The following ZNF16 variants were observed in gnomAD, a reference collection of about 807,000 sequenced individuals.
ZNF16 encodes zinc finger protein 16.
ZNF16 carries 7 observed loss-of-function variants against 9.0 expected under a neutral mutation model. The observed-to-expected ratio is 0.78, with a 90% CI of 0.44 to 1.47. The LOEUF (loss-of-function observed/expected upper bound fraction) is 1.47. Among genes scored for constraint, ZNF16 ranks in the 40% most tolerant of loss-of-function variants. The pLI, the probability that ZNF16 is intolerant of heterozygous loss-of-function variation, is 0.01. For missense variants in ZNF16, 830 were observed against 854.2 expected (o/e 0.97, Z 0.35); for synonymous variants, 312 against 301.5 (o/e 1.03, Z -0.36).
chr8:144,945,985 C>T, intron 2 of ZNF16, 26 bp downstream of exon 2: 1 of 1,611,626 alleles, frequency 6.2e-7, no homozygotes, highest in South Asian at 1.1e-5. Flanking sequence ...AATAAGGGCA[C>T]CAGCGGAGAA....
intron 2 of ZNF16, among the ~76,000 whole-genome samples, chr8:144,941,947 G>T (rs557358664): frequency 1.8e-4 from 25 of 139,276 alleles, no homozygotes; most frequent in Admixed American, 1.5e-3. Flanking sequence ...GTGAGCCACC[G>T]CGCCTGGCCT....
intron 2 of ZNF16, among the ~76,000 whole-genome samples, chr8:144,941,832 G>T (rs1300629868): frequency 1.3e-5 from 2 of 148,978 alleles, no homozygotes; most frequent in African/African-American, 5.0e-5. Context: ...CTAATTTTTT[G>T]TATTTTTAGT....
At chr8:144,941,010 G>C (rs1833784751) in intron 2 of ZNF16, among the ~76,000 whole-genome samples, 2 of 152,116 alleles carry the variant, frequency 1.3e-5, no homozygotes, top group African/African-American at 4.8e-5. Flanking sequence ...CTGCAGATTA[G>C]ATTTCAAGAT....
Position 144,932,349 on chromosome 8 carries a change from G to A in ZNF16, c.438C>T (p.Gly146=). 1 of 1,614,096 alleles carries A rather than the reference G, an allele frequency of 6.2e-7. No individual in the cohort carries two copies. The highest frequency in any genetic ancestry group is 8.5e-7 in the Non-Finnish European group (1 of 1,179,992). Residue 146 remains glycine, a synonymous_variant, in exon 3 of 3, where the codon GGC becomes GGT. Transcript: ENST00000394909. This position sits in a 1 kb window ranked among gnomAD's most constrained non-coding sequence, Gnocchi z 5.0. ...FTPAAMGLLR[G]PLGEKDLDCN... is the part of the protein sequence containing the mutation. The stretch of plus-strand genomic sequence containing the variant: ...AGTCCAGATCTTTCTCCCCTAAGGG[G>A]CCCCTAAGGAGCCCCATGGCAGCTG...
At chr8:144,949,234 A>T (rs1834032229) in intron 1 of ZNF16, among the ~76,000 whole-genome samples, 1 of 152,224 alleles carries the variant, frequency 6.6e-6, no homozygotes, top group Admixed American at 6.5e-5. Flanking sequence ...GAACTGGCCC[A>T]AACTCTCCTC....
chr8:144,937,155 T>TTC (rs1225924415), intron 2 of ZNF16, among the ~76,000 whole-genome samples: 3 of 144,474 alleles, frequency 2.1e-5, no homozygotes, highest in East Asian at 2.0e-4. Flanking sequence ...TTTTTTTTTT[T>TTC]TTTTTTTTTG....
At chr8:144,945,026 C>T (rs1312427241) in intron 2 of ZNF16, 2 of 152,070 alleles carry the variant, frequency 1.3e-5, no homozygotes, top group Non-Finnish European at 2.9e-5. Flanking sequence ...AGACAGAGTT[C>T]TTGAGAAAGC....
At chr8:144,942,665 GT>G (rs1158961371) in intron 2 of ZNF16, among the ~76,000 whole-genome samples, 1 of 152,138 alleles carries the variant, frequency 6.6e-6, no homozygotes, top group Non-Finnish European at 1.5e-5. Context: ...ACTGATACCA[GT>G]TTAGTCTCAG....
At chr8:144,934,234 T>C (rs958047896) in intron 2 of ZNF16, among the ~76,000 whole-genome samples, 1 of 152,196 alleles carries the variant, frequency 6.6e-6, no homozygotes, top group Non-Finnish European at 1.5e-5. Flanking sequence ...CACTTCATGT[T>C]GGGTCACTGG....
Position 144,932,434 on chromosome 8 carries a change from C to T in ZNF16, c.353G>A (p.Trp118Ter), listed in dbSNP as rs772139178. Residue 118 changes from tryptophan to a stop codon, truncating the protein, a stop_gained, in exon 3 of 3, where the codon TGG (tryptophan) becomes TAG (stop). Coordinates refer to ENST00000394909, the MANE Select transcript of ZNF16 (RefSeq NM_006958.3). LOFTEE classifies it low-confidence loss of function (END_TRUNC). This position sits in a 1 kb window ranked among gnomAD's most constrained non-coding sequence, Gnocchi z 5.0. ...DLCDDVSERDWGVPEGRRLPQ... is the reference protein window; with the variant it reads ...DLCDDVSERD Reference sequence around the variant, plus strand: ...CAGCCTCCTGCCTTCGGGGACTCCCCAGTCTCTTTCTGATACATCATCACA... The same window carrying T: ...CAGCCTCCTGCCTTCGGGGACTCCCTAGTCTCTTTCTGATACATCATCACA... The T allele has an allele frequency of 6.2e-7, 1 of 1,614,218 alleles. No homozygotes were observed. The highest frequency in any genetic ancestry group is 8.5e-7 in the Non-Finnish European group (1 of 1,180,044).
chr8:144,938,472 C>T (rs780559877), intron 2 of ZNF16, among the ~76,000 whole-genome samples: 11 of 152,188 alleles, frequency 7.2e-5, no homozygotes, highest in Non-Finnish European at 1.3e-4. Context: ...AGTCTTAAAT[C>T]TCCTTGGTCA....
chr8:144,946,525 C>CCTGCTGTGGGGCCTGTGTA (rs1026411005), intron 1 of ZNF16, among the ~76,000 whole-genome samples: 3 of 133,932 alleles, frequency 2.2e-5, no homozygotes, highest in Non-Finnish European at 3.2e-5. Flanking sequence ...GGGTCTGTGT[C>CCTGCTGTGGGGCCTGTGTA]CTGCTGTGGG....
In ZNF16 at chr8:144,931,852, T is replaced by C. The variant is rs766823541; in HGVS notation, c.935A>G (p.Gln312Arg). The C allele has an allele frequency of 8.3e-5, 134 of 1,614,122 alleles. No individual in the cohort carries two copies. Among genetic ancestry groups the C allele is most frequent in the Non-Finnish European group, 1.1e-4 (130 of 1,180,046 alleles). ...GGGCTTCTCACTCATGTGAGACTTTTGGTGCTTTTTAAGGCTCGAGTTCTG... is the reference window on the plus strand; with the variant it reads ...GGGCTTCTCACTCATGTGAGACTTTCGGTGCTTTTTAAGGCTCGAGTTCTG... ...FSQNSSLKKH[Q>R]KSHMSEKPYE... The change falls in exon 3 of 3, where the codon CAA becomes CGA. Residue 312 changes from glutamine (Q) to arginine (R), a missense_variant. By Grantham distance (43) the Gln-to-Arg change is conservative (BLOSUM62 1). Coordinates refer to ENST00000394909, the MANE Select transcript of ZNF16 (RefSeq NM_006958.3).
chr8:144,945,111 A>T (rs1021155648), intron 2 of ZNF16: 2 of 148,690 alleles, frequency 1.3e-5, no homozygotes, highest in African/African-American at 5.0e-5. Context: ...ATTCCCCAAA[A>T]TATATAGGTG....
In ZNF16 at chr8:144,931,226, C is replaced by T. The variant is rs141655692; in HGVS notation, c.1561G>A (p.Glu521Lys). 1.2e-5 allele frequency: 20 copies of T among 1,613,744 alleles called. No individual in the cohort carries two copies. The highest frequency in any genetic ancestry group is 1.7e-5 in the Non-Finnish European group (20 of 1,179,952). ...CTGCGACCAAAGGTCTTCCCACACTCGTGGCAGGCGTAGGGCTTGTCGCCT... is the reference window on the plus strand; with the variant it reads ...CTGCGACCAAAGGTCTTCCCACACTTGTGGCAGGCGTAGGGCTTGTCGCCT... ...HTGDKPYACH[E>K]CGKTFGRSSN... Residue 521 changes from glutamate (E) to lysine (K), a missense_variant, in exon 3 of 3, where the codon GAG becomes AAG. Coordinates refer to ENST00000394909, the MANE Select transcript of ZNF16 (RefSeq NM_006958.3).
In ZNF16 at chr8:144,931,695, G is replaced by C. The variant is rs758474197; in HGVS notation, c.1092C>G (p.Leu364=). The change falls in exon 3 of 3, where the codon CTC becomes CTG. Residue 364 remains leucine, a synonymous_variant. Coordinates refer to ENST00000394909, the MANE Select transcript of ZNF16 (RefSeq NM_006958.3). ...CTGTGTGAGTCCTGTGGTGTTTGATGAGGTTTGAGCTTCGCCTGAAGGCCT... is the reference window on the plus strand; with the variant it reads ...CTGTGTGAGTCCTGTGGTGTTTGATCAGGTTTGAGCTTCGCCTGAAGGCCT... ...CGKAFRRSSN[L]IKHHRTHTGE... 2 of 1,613,800 alleles carry C rather than the reference G, an allele frequency of 1.2e-6. No individual in the cohort carries two copies. The highest frequency in any genetic ancestry group is 2.7e-5 in the African/African-American group (2 of 74,964).
rs141652363 is a variant in ZNF16 at position 144,932,384 on chromosome 8, C to T, written c.403G>A (p.Asp135Asn). Reference sequence around the variant, plus strand: ...AGCCCCATGGCAGCTGGTGTGAAGTCCCCCTCCTGGGAGAGGGACTGTGGC... The same window carrying T: ...AGCCCCATGGCAGCTGGTGTGAAGTTCCCCTCCTGGGAGAGGGACTGTGGC... The part of the protein sequence containing the change: ...RLPQSLSQEG[D>N]FTPAAMGLLR... Residue 135 changes from aspartate (D) to asparagine (N), a missense_variant, in exon 3 of 3, where the codon GAC becomes AAC. By Grantham distance (23) the Asp-to-Asn change is conservative (BLOSUM62 1). Coordinates refer to ENST00000394909, the MANE Select transcript of ZNF16 (RefSeq NM_006958.3). This position sits in a 1 kb window ranked among gnomAD's most constrained non-coding sequence, Gnocchi z 5.0. 422 of 1,614,168 alleles carry T rather than the reference C, an allele frequency of 2.6e-4. 4 individuals are homozygous for T. The African/African-American group carries it at 5.0e-3, about 19-fold the overall frequency.
intron 1 of ZNF16, among the ~76,000 whole-genome samples, chr8:144,949,792 T>C (rs1834049525): frequency 2.6e-5 from 4 of 152,204 alleles, no homozygotes; most frequent in Admixed American, 2.6e-4. Context: ...CCGGGTATTG[T>C]CCAAGATTTG....
At chr8:144,945,848 G>T in intron 2 of ZNF16, 163 bp downstream of exon 2, 1 of 1,372,682 alleles carries the variant, frequency 7.3e-7, no homozygotes, top group Non-Finnish European at 9.6e-7. Context: ...GCCAGGCTAG[G>T]TTAACTTCCT....
Sources: gnomAD v4.1 joint callset for allele counts (sites outside exome capture counted in the v4.1 genomes callset) on GRCh38, gnomAD v4.1.1 for gene constraint, Gnocchi (gnomAD v3.1) non-coding constraint, MANE v1.5 for transcripts, NCBI Gene and HGNC (gene_info 2026-07-23, HGNC 2026-07-21) for gene names.